The following EIF3J variants were observed in gnomAD, a reference collection of about 807,000 sequenced individuals.
EIF3J encodes eukaryotic translation initiation factor 3 subunit J.
In EIF3J, 15 loss-of-function variants were observed where a neutral mutation model predicts 39.0. The observed-to-expected ratio is 0.38, with a 90% confidence interval of 0.26 to 0.59. The LOEUF is 0.59. EIF3J is among the 20% of genes least tolerant of loss of function. The probability of loss-of-function intolerance (pLI) is 0.60; values close to 1 mark genes in which losing one functional copy is unlikely to be tolerated. For missense variants in EIF3J, 226 were observed against 308.6 expected (o/e 0.73, Z 2.00); for synonymous variants, 98 against 112.9 (o/e 0.87, Z 0.84).
chr15:44,546,205 T>C (rs1268772569), intron 2 of EIF3J, among the ~76,000 whole-genome samples: 1 of 152,226 alleles, frequency 6.6e-6, no homozygotes, highest in Non-Finnish European at 1.5e-5. Flanking sequence ...ACGTTTGATC[T>C]CTAATTTCTA....
At position 44,551,414 on chromosome 15, in the gene EIF3J, C is replaced by CT. The variant is rs201258329; in HGVS notation, c.203-9dup. The stretch of plus-strand genomic sequence containing the variant: ...AAATACTCAGTATAACTGAATAAAA[C>CT]TTTTTTTTACTTTTAGAGGTAAAAA... On this transcript the variant is annotated splice_polypyrimidine_tract_variant and intron_variant, in intron 3 of 7. Coordinates refer to ENST00000261868, the MANE Select transcript of EIF3J (RefSeq NM_003758.4). 1.2e-3 allele frequency: 1,882 copies of CT among 1,510,664 alleles called. 46 individuals are homozygous for CT. In the Admixed American group the frequency reaches 0.036, roughly 29 times the overall value. The allele number at this position is 1,510,664 out of a possible 1,614,324, so 93.6% of individuals were successfully genotyped here. A position where few individuals can be genotyped will look rare whatever the true frequency, so the allele number is the denominator to read the frequency against.
At chr15:44,551,244 G>A (rs1954200379) in intron 3 of EIF3J, among the ~76,000 whole-genome samples, 187 bp from the exon 4 acceptor site, 2 of 152,114 alleles carry the variant, frequency 1.3e-5, no homozygotes, top group Admixed American at 1.3e-4. Flanking sequence ...AGAGATATTT[G>A]GATCTTAGGG....
chr15:44,553,190 CAAA>C (rs1189107657), intron 4 of EIF3J, among the ~76,000 whole-genome samples: 3 of 131,612 alleles, frequency 2.3e-5, no homozygotes, highest in South Asian at 5.3e-4. Context: ...TGCCTCAAAA[CAAA>C]AAAAAAAAGA....
rs757223229 is a variant in EIF3J, at chr15:44,551,413, A to G, written c.203-18A>G. 3 of 1,506,152 alleles carry G rather than the reference A, an allele frequency of 2.0e-6. No homozygotes were observed. Among genetic ancestry groups the G allele is most frequent in the Non-Finnish European group, 1.8e-6 (2 of 1,106,598 alleles). 93.3% of individuals were successfully genotyped at this position (1,506,152 alleles called of 1,614,324 possible). A position where few individuals can be genotyped will look rare whatever the true frequency, so the allele number is the denominator to read the frequency against. ...AAAATACTCAGTATAACTGAATAAA[A>G]CTTTTTTTTACTTTTAGAGGTAAAA... is the stretch of plus-strand genomic sequence containing the variant. On this transcript the variant is annotated intron_variant, in intron 3 of 7. Transcript: ENST00000261868.
At chr15:44,546,808 G>A (rs1042712237) in intron 2 of EIF3J, among the ~76,000 whole-genome samples, 1 of 136,932 alleles carries the variant, frequency 7.3e-6, no homozygotes, top group Admixed American at 7.3e-5. Flanking sequence ...AAAAAACAGA[G>A]TATAGATCTT....
At chr15:44,551,804 T>G (rs2082101023) in intron 4 of EIF3J, among the ~76,000 whole-genome samples, 1 of 152,052 alleles carries the variant, frequency 6.6e-6, no homozygotes, top group South Asian at 2.1e-4. Context: ...TTCATTCTAG[T>G]CAGCAGTATT....
At chr15:44,545,002 CAA>C (rs201451152) in intron 2 of EIF3J, among the ~76,000 whole-genome samples, 12 of 114,396 alleles carry the variant, frequency 1.0e-4, no homozygotes, top group African/African-American at 9.6e-5. Flanking sequence ...GACTCCATCT[CAA>C]AAAAAAAAAA....
chr15:44,553,191 A>C (rs1246846407), intron 4 of EIF3J, among the ~76,000 whole-genome samples: 1 of 144,186 alleles, frequency 6.9e-6, no homozygotes, highest in African/African-American at 2.5e-5. Context: ...GCCTCAAAAC[A>C]AAAAAAAAAA....
chr15:44,557,730 A>G, intron 6 of EIF3J, 80 bp downstream of exon 6: 1 of 1,102,894 alleles, frequency 9.1e-7, no homozygotes, highest in Non-Finnish European at 1.2e-6. Context: ...GTTATTTTTT[A>G]TTTTCAAGGA....
intron 2 of EIF3J, among the ~76,000 whole-genome samples, chr15:44,546,875 T>G (rs2082057664): frequency 7.3e-6 from 1 of 136,342 alleles, no homozygotes; most frequent in Admixed American, 8.6e-5. Flanking sequence ...TAGGCTGGAG[T>G]GCAGTGGCTC....
chr15:44,549,713 G>A, intron 2 of EIF3J, among the ~76,000 whole-genome samples: 1 of 142,136 alleles, frequency 7.0e-6, no homozygotes, highest in Non-Finnish European at 1.5e-5. Context: ...GTTGCAGTGA[G>A]CTGAGATCGT....
chr15:44,540,267 A>ATAT (rs1349416377), intron 2 of EIF3J, among the ~76,000 whole-genome samples: 1 of 61,414 alleles, frequency 1.6e-5, no homozygotes, highest in African/African-American at 6.9e-5. Context: ...ATATATATAT[A>ATAT]TTTTTTTTTT....
At chr15:44,560,423 A>AGC in intron 7 of EIF3J, 101 bp downstream of exon 7, 1 of 1,096,692 alleles carries the variant, frequency 9.1e-7, no homozygotes, top group African/African-American at 1.6e-5. Flanking sequence ...TTAAAAGTCA[A>AGC]GCAACTCACT....
At chr15:44,540,845 T>C (rs963174843) in intron 2 of EIF3J, among the ~76,000 whole-genome samples, 2 of 152,242 alleles carry the variant, frequency 1.3e-5, no homozygotes, top group African/African-American at 4.8e-5. Flanking sequence ...CATCTAGTAC[T>C]TAACCTTTAA....
At chr15:44,560,391 A>C in intron 7 of EIF3J, 69 bp downstream of exon 7, 1 of 1,407,136 alleles carries the variant, frequency 7.1e-7, no homozygotes, top group Non-Finnish European at 9.8e-7. Context: ...CAGTCAACAA[A>C]TATAATAGGA....
chr15:44,553,192 A>G (rs77680153), intron 4 of EIF3J, among the ~76,000 whole-genome samples: 1 of 146,894 alleles, frequency 6.8e-6, no homozygotes, highest in African/African-American at 2.5e-5. Flanking sequence ...CCTCAAAACA[A>G]AAAAAAAAAG....
intron 2 of EIF3J, among the ~76,000 whole-genome samples, chr15:44,540,299 C>T (rs1179830718): frequency 3.3e-5 from 4 of 120,250 alleles, no homozygotes; most frequent in Non-Finnish European, 4.9e-5. Flanking sequence ...TACAGGGTTT[C>T]GCCATGTTAC....
At chr15:44,552,352 A>G (rs1356363170) in intron 4 of EIF3J, among the ~76,000 whole-genome samples, 7 of 151,412 alleles carry the variant, frequency 4.6e-5, no homozygotes, top group Admixed American at 6.6e-5. Flanking sequence ...GGTTCAAGCA[A>G]TTGTCATGCC....
At chr15:44,548,206 G>A (rs948140736) in intron 2 of EIF3J, among the ~76,000 whole-genome samples, 1 of 152,196 alleles carries the variant, frequency 6.6e-6, no homozygotes, top group East Asian at 1.9e-4. Flanking sequence ...CCTGATGTCA[G>A]GAGTTCGAGA....
Sources: gnomAD v4.1 joint callset for allele counts (sites outside exome capture counted in the v4.1 genomes callset) on GRCh38, gnomAD v4.1.1 for gene constraint, MANE v1.5 for transcripts, NCBI Gene and HGNC (gene_info 2026-07-23, HGNC 2026-07-21) for gene names.